The following SNRPB2 variants were observed in gnomAD, a reference collection of about 807,000 sequenced individuals.
SNRPB2 encodes U2 small nuclear ribonucleoprotein B''.
A neutral mutation model predicts 26.3 loss-of-function variants in SNRPB2; 16 were observed. The observed-to-expected ratio is 0.61, with a 90% confidence interval of 0.41 to 0.92. SNRPB2 has a LOEUF of 0.92. Among genes scored for constraint, SNRPB2 ranks in the 40% least tolerant of loss-of-function variants. The pLI, the probability that SNRPB2 is intolerant of heterozygous loss-of-function variation, is 0.00. For missense variants in SNRPB2, 179 were observed against 268.1 expected, an observed-to-expected ratio of 0.67 and a Z score of 2.32; for synonymous variants, 75 against 89.0, an observed-to-expected ratio of 0.84 and a Z score of 0.88.
rs372236210 is a variant in SNRPB2, at chr20:16,740,892, A to G, written c.565A>G (p.Ile189Val). 3 of 1,612,682 alleles carry G rather than the reference A, an allele frequency of 1.9e-6. No individual in the cohort carries two copies. In the African/African-American group the frequency reaches 4.0e-5, roughly 22 times the overall value. Residue 189 changes from isoleucine to valine, a missense_variant, in exon 7 of 7, where the codon ATT (isoleucine) becomes GTT (valine). Around this residue, in one of 2 missense-constraint regions of SNRPB2, gnomAD observed 34 missense variants for 87.4 expected, o/e 0.39. Transcript: ENST00000246071. Reference sequence around the variant, plus strand: ...ACGTCTGGTACCAGGGAGGCATGACATTGCTTTTGTTGAATTTGAAAATGA... The same window carrying G: ...ACGTCTGGTACCAGGGAGGCATGACGTTGCTTTTGTTGAATTTGAAAATGA... ...EVRLVPGRHD[I>V]AFVEFENDGQ...
chr20:16,732,818 A>G (rs1488596915), intron 3 of SNRPB2, among the ~76,000 whole-genome samples: 1 of 152,234 alleles, frequency 6.6e-6, no homozygotes, highest in East Asian at 1.9e-4. Flanking sequence ...AACAATGGAA[A>G]TGAAATGGTT....
At chr20:16,735,701 G>C (rs1170383032) in intron 3 of SNRPB2, among the ~76,000 whole-genome samples, 1 of 152,152 alleles carries the variant, frequency 6.6e-6, no homozygotes, top group Non-Finnish European at 1.5e-5. Context: ...ACCCTTCCCT[G>C]TTGTAACTGT....
intron 1 of SNRPB2, chr20:16,730,649 C>A (rs2072383515): frequency 6.6e-6 from 1 of 152,226 alleles, no homozygotes; most frequent in Non-Finnish European, 1.5e-5. Context: ...AAGTGCAGCC[C>A]CTGCTTGTAG....
intron 2 of SNRPB2, 60 bp from the exon 3 acceptor site, chr20:16,732,104 T>C: frequency 9.7e-7 from 1 of 1,029,096 alleles, no homozygotes; most frequent in South Asian, 1.5e-5. Flanking sequence ...AGTATCATTT[T>C]ATGAAGACTT....
At chr20:16,730,979 C>T (rs954270988) in intron 1 of SNRPB2, 4 of 152,260 alleles carry the variant, frequency 2.6e-5, no homozygotes, top group African/African-American at 9.7e-5. Flanking sequence ...ATTTAGTCTT[C>T]TGAGTTCTAT....
intron 5 of SNRPB2, 65 bp from the exon 6 acceptor site, chr20:16,740,260 C>G: frequency 1.3e-6 from 2 of 1,589,564 alleles, no homozygotes; most frequent in Non-Finnish European, 1.7e-6. Context: ...AGTAAGATTT[C>G]ACATGCCTAG....
chr20:16,737,508 ATG>A (rs777215845), intron 4 of SNRPB2, 107 bp downstream of exon 4: 3 of 986,918 alleles, frequency 3.0e-6, no homozygotes, highest in African/African-American at 1.7e-5. Context: ...ATGTGCATAA[ATG>A]TGTGTTTAAA....
chr20:16,731,954 G>A lies in SNRPB2; in HGVS notation c.64+188G>A, dbSNP rs1220497183. Among the ~76,000 whole-genome samples the A allele has an allele frequency of 2.0e-5, 3 of 152,182 alleles. No homozygotes were observed. The East Asian group carries it at 5.8e-4, about 29-fold the overall frequency. ...TAGGTAGGAACTGACAGTGTGTACA[G>A]TCTGTTTCTACTCATAGATATAATG... On this transcript the variant is annotated intron_variant, in intron 2 of 6. Coordinates refer to ENST00000246071, the MANE Select transcript of SNRPB2 (RefSeq NM_003092.5).
At chr20:16,736,886 T>G (rs2072429455) in intron 3 of SNRPB2, among the ~76,000 whole-genome samples, 1 of 152,240 alleles carries the variant, frequency 6.6e-6, no homozygotes, top group Non-Finnish European at 1.5e-5. Flanking sequence ...TGAGGAGATT[T>G]GAACAGTTCA....
At chr20:16,740,270 G>GCTTA (rs2122508293) in intron 5 of SNRPB2, 55 bp from the exon 6 acceptor site, 1 of 1,596,986 alleles carries the variant, frequency 6.3e-7, no homozygotes, top group Admixed American at 1.7e-5. Flanking sequence ...CACATGCCTA[G>GCTTA]CTTACGATGC....
chr20:16,733,211 T>C (rs1861021179), intron 3 of SNRPB2, among the ~76,000 whole-genome samples: 1 of 152,256 alleles, frequency 6.6e-6, no homozygotes, highest in African/African-American at 2.4e-5. Flanking sequence ...AAATTGGTTG[T>C]TCTTTGGTCT....
intron 3 of SNRPB2, chr20:16,732,542 T>C (rs2072399848): frequency 2.7e-6 from 1 of 373,794 alleles, no homozygotes; most frequent in Non-Finnish European, 4.7e-6. Flanking sequence ...CATTGAGATG[T>C]AGAATATTTT....
chr20:16,737,073 T>G (rs2072430839), intron 3 of SNRPB2, among the ~76,000 whole-genome samples, 188 bp from the exon 4 acceptor site: 1 of 152,226 alleles, frequency 6.6e-6, no homozygotes, highest in Non-Finnish European at 1.5e-5. Flanking sequence ...AATCTAACTT[T>G]GTCTAAATTA....
intron 3 of SNRPB2, among the ~76,000 whole-genome samples, chr20:16,733,525 T>C (rs1258414731): frequency 6.6e-6 from 1 of 152,256 alleles, no homozygotes; most frequent in Non-Finnish European, 1.5e-5. Flanking sequence ...AGTTGACAAC[T>C]AATCTAACAG....
rs773649066 is a variant in SNRPB2 at position 16,740,858 on chromosome 20, C to T, written c.531C>T (p.Phe177=). ...TTCTTCTTTATAGGTTCCCTGGCTT[C>T]AAGGAAGTACGTCTGGTACCAGGGA... ...LSMLFNQFPG[F]KEVRLVPGRH... Residue 177 remains phenylalanine, a synonymous_variant, in exon 7 of 7, where the codon TTC becomes TTT. Transcript: ENST00000246071. The T allele has an allele frequency of 5.0e-6, 8 of 1,610,792 alleles. No homozygotes were observed. The South Asian group carries it at 8.8e-5, about 18-fold the overall frequency.
chr20:16,735,991 T>A (rs138374602), intron 3 of SNRPB2, among the ~76,000 whole-genome samples: 1 of 152,370 alleles, frequency 6.6e-6, no homozygotes, highest in Non-Finnish European at 1.5e-5. Flanking sequence ...AACTCTCCAA[T>A]GCATTTTTGT....
rs1391780813 is a variant in SNRPB2, at chr20:16,730,937, TTTACCGCTGA to T, written c.-35-729_-35-720del. On this transcript the variant is annotated intron_variant, in intron 1 of 6. Coordinates refer to ENST00000246071, the MANE Select transcript of SNRPB2 (RefSeq NM_003092.5). ...TGTTAATAATAGCTACTCTTAAGTG[TTTACCGCTGA>T]TGCAGAACTGTGCTAGAATTCATTT... 56 of 152,338 alleles carry T rather than the reference TTTACCGCTGA, an allele frequency of 3.7e-4. 1 individual carries two copies. Among genetic ancestry groups the T allele is most frequent in the African/African-American group, 1.2e-3 (51 of 41,568 alleles). 9.4% of individuals were successfully genotyped at this position (152,338 alleles called of 1,614,324 possible).
In SNRPB2 at chr20:16,740,001, G is replaced by A. The variant is rs6034589; in HGVS notation, c.430-324G>A. On this transcript the variant is annotated intron_variant, in intron 5 of 6. Coordinates refer to ENST00000246071, the MANE Select transcript of SNRPB2 (RefSeq NM_003092.5). ...GAGTGTGGTAACCAGCTACGGAGGG[G>A]TGACATTGCTGGCCATCTCTAATTT... Among the ~76,000 whole-genome samples the A allele has an allele frequency of 1.6e-3, 243 of 151,524 alleles. 3 individuals carry two copies. Among genetic ancestry groups the A allele is most frequent in the African/African-American group, 5.6e-3 (232 of 41,274 alleles).
chr20:16,740,696 A>T, intron 6 of SNRPB2, 150 bp from the exon 7 acceptor site: 1 of 681,008 alleles, frequency 1.5e-6, no homozygotes, highest in Non-Finnish European at 2.4e-6. Context: ...GGTATTAATT[A>T]CACATGAGGC....
Sources: allele counts gnomAD v4.1 joint callset (sites outside exome capture counted in the v4.1 genomes callset), GRCh38; gene constraint gnomAD v4.1.1; regional missense constraint gnomAD v4.1.1; transcripts MANE v1.5; gene names NCBI Gene and HGNC (gene_info 2026-07-23, HGNC 2026-07-21).